The following ARAP3 variants were observed in gnomAD, a reference collection of about 807,000 sequenced individuals.
ARAP3 encodes the protein ArfGAP with RhoGAP domain, ankyrin repeat and PH domain 3, also known as arf-GAP with Rho-GAP domain, ANK repeat and PH domain-containing protein 3.
Under a neutral mutation model 169.2 loss-of-function variants are expected in ARAP3, and 82 were observed. The observed-to-expected ratio is 0.48, with a 90% confidence interval of 0.41 to 0.58. ARAP3 has a LOEUF of 0.58. Ranked by LOEUF, ARAP3 falls within the 20% of genes least tolerant of loss-of-function variation. The pLI is 0.00. For synonymous variants in ARAP3, 791 were observed against 800.3 expected, an observed-to-expected ratio of 0.99 and a Z score of 0.20; for missense variants, 1,764 against 2,018.0, an observed-to-expected ratio of 0.87 and a Z score of 2.41.
chr5:141,669,764 T>G lies in ARAP3; in HGVS notation c.2297A>C (p.His766Pro). ...ELILAGGRIQ[H>P]FGTDGADSLE... ...ACTGTCAGCTCCATCTGTGCCAAAATGCTGGATCCTCCCCCCAGCGAGGAT... is the reference window on the plus strand; with the variant it reads ...ACTGTCAGCTCCATCTGTGCCAAAAGGCTGGATCCTCCCCCCAGCGAGGAT... Residue 766 changes from histidine to proline, a missense_variant, in exon 16 of 33, where the codon CAT becomes CCT. His to Pro is a moderately conservative substitution (Grantham distance 77, BLOSUM62 -2). Around this residue, in one of 3 missense-constraint regions of ARAP3, gnomAD observed 1,112 missense variants for 1,285.7 expected, o/e 0.86. Coordinates refer to ENST00000239440, the MANE Select transcript of ARAP3 (RefSeq NM_022481.6). 6.2e-7 allele frequency: 1 copy of G among 1,614,026 alleles called. No homozygotes were observed. The highest frequency in any genetic ancestry group is 8.5e-7 in the Non-Finnish European group (1 of 1,180,004).
chr5:141,674,455 G>A (rs969346605), intron 4 of ARAP3, among the ~76,000 whole-genome samples: 7 of 151,202 alleles, frequency 4.6e-5, no homozygotes, highest in Admixed American at 6.6e-5. Context: ...ATGAGGTCTC[G>A]CTATGTTGCC....
chr5:141,677,008 G>A (rs1469980504), intron 4 of ARAP3, among the ~76,000 whole-genome samples: 4 of 152,134 alleles, frequency 2.6e-5, no homozygotes, highest in Admixed American at 1.3e-4. Context: ...ATCTCAGACC[G>A]TGGCGGCTCC....
In ARAP3 at chr5:141,656,508, T is replaced by C. The variant is rs1172820517; in HGVS notation, c.3785A>G (p.Lys1262Arg). Residue 1262 changes from lysine (K) to arginine (R), a missense_variant, in exon 27 of 33, where the codon AAG (lysine) becomes AGG (arginine). Physicochemically the swap from Lys to Arg is conservative, Grantham distance 26. This residue lies in a region of ARAP3 where 1,112 missense variants were observed against 1,285.7 expected (regional missense o/e 0.86). Transcript: ENST00000239440. ...CCTCTGGCCCCAGGGCCTCACTTTC[T>C]TCTCCTTGAGCAGCAGCAGGCAGCG... is the stretch of plus-strand genomic sequence containing the variant. ...RGRCLLLLKE[K>R]KSSKPEREWP... 1 of 1,611,678 alleles carries C rather than the reference T, an allele frequency of 6.2e-7. No individual in the cohort carries two copies. The highest frequency in any genetic ancestry group is 2.2e-5 in the East Asian group (1 of 44,814).
intron 1 of ARAP3, 123 bp from the exon 2 acceptor site, chr5:141,680,626 G>T (rs1215012387): frequency 2.9e-6 from 4 of 1,390,560 alleles, no homozygotes; most frequent in East Asian, 2.5e-5. Context: ...ATGCTGAAAG[G>T]CCTGCGATCT....
chr5:141,655,474 G>C (rs1482632921), intron 31 of ARAP3, 74 bp from the exon 32 acceptor site: 1 of 1,579,440 alleles, frequency 6.3e-7, no homozygotes, highest in Non-Finnish European at 8.6e-7. Context: ...ACAGGAGACA[G>C]GGGTGGGGAA....
At chr5:141,678,226 C>G (rs1295431521) in intron 4 of ARAP3, among the ~76,000 whole-genome samples, 1 of 152,146 alleles carries the variant, frequency 6.6e-6, no homozygotes, top group Non-Finnish European at 1.5e-5. Flanking sequence ...GCTGGGATTA[C>G]AGGCATGAGC....
Position 141,661,882 on chromosome 5 carries a change from T to G in ARAP3, c.3014-93A>C, listed in dbSNP as rs1050709088. On this transcript the variant is annotated intron_variant, in intron 20 of 32. Transcript: ENST00000239440. Reference sequence around the variant, plus strand: ...GGGATTTTTAGGCACAAATGCAGGATGGATGTGTCTCTGCCCCCTTCCCAC... The same window carrying G: ...GGGATTTTTAGGCACAAATGCAGGAGGGATGTGTCTCTGCCCCCTTCCCAC... 5 of 1,475,372 alleles carry G rather than the reference T, an allele frequency of 3.4e-6. No individual in the cohort carries two copies. In the African/African-American group the frequency reaches 6.9e-5, roughly 20 times the overall value. The allele number at this position is 1,475,372 out of a possible 1,614,324, so 91.4% of individuals were successfully genotyped here.
At chr5:141,670,344 C>T (rs2099911251) in intron 14 of ARAP3, among the ~76,000 whole-genome samples, 168 bp downstream of exon 14, 1 of 152,114 alleles carries the variant, frequency 6.6e-6, no homozygotes, top group South Asian at 2.1e-4. Context: ...AACTATCACC[C>T]AATGCTGCCA....
intron 29 of ARAP3, 54 bp from the exon 30 acceptor site, chr5:141,655,986 T>C (rs2099909222): frequency 3.1e-6 from 5 of 1,613,604 alleles, no homozygotes; most frequent in Non-Finnish European, 4.2e-6. Context: ...GCTATAGGAA[T>C]GGAGCATACA....
At chr5:141,678,058 T>C (rs2099912435) in intron 4 of ARAP3, among the ~76,000 whole-genome samples, 1 of 152,086 alleles carries the variant, frequency 6.6e-6, no homozygotes, top group African/African-American at 2.4e-5. Context: ...CGCCATTCTC[T>C]GCCTCAGCCT....
rs534619522 is a variant in ARAP3, at chr5:141,666,417, C to G, written c.2572+7G>C. ...TCATCCCTGTCCCCCCAAACCTCCCCGCTTACTGATCTCCTGTAGCCGCCG... is the reference window on the plus strand; with the variant it reads ...TCATCCCTGTCCCCCCAAACCTCCCGGCTTACTGATCTCCTGTAGCCGCCG... On this transcript the variant is annotated splice_region_variant and intron_variant, in intron 17 of 32. Transcript: ENST00000239440. The G allele has an allele frequency of 2.6e-6, 4 of 1,561,174 alleles. No homozygotes were observed. Among genetic ancestry groups the G allele is most frequent in the South Asian group, 1.2e-5 (1 of 84,468 alleles).
chr5:141,655,606 G>A lies in ARAP3; in HGVS notation c.4110+15C>T, dbSNP rs2099909173. The stretch of plus-strand genomic sequence containing the variant: ...CACGACAGGAATCGGGTTGGGGCAG[G>A]GTGGGGTGCCTTACCAGGGTCTGAT... On this transcript the variant is annotated intron_variant, in intron 31 of 32. Coordinates refer to ENST00000239440, the MANE Select transcript of ARAP3 (RefSeq NM_022481.6). 5 of 1,613,986 alleles carry A rather than the reference G, an allele frequency of 3.1e-6. No individual in the cohort carries two copies. The highest frequency in any genetic ancestry group is 4.2e-6 in the Non-Finnish European group (5 of 1,180,006).
chr5:141,680,130 G>A lies in ARAP3; in HGVS notation c.357C>T (p.Ala119=), dbSNP rs200318347. 2.5e-5 allele frequency: 40 copies of A among 1,611,276 alleles called. No homozygotes were observed. Among genetic ancestry groups the A allele is most frequent in the African/African-American group, 1.3e-5 (1 of 74,820 alleles). Reference sequence around the variant, plus strand: ...TCCTGGACACTCCTGGTCCCCCGAGGGCTGGGCTCAGCCCAGGTCTCTGAG... The same window carrying A: ...TCCTGGACACTCCTGGTCCCCCGAGAGCTGGGCTCAGCCCAGGTCTCTGAG... The part of the protein sequence containing the change: ...ATTQRPGLSP[A]LGGPGVSRSP... The change falls in exon 2 of 33, where the codon GCC becomes GCT. Residue 119 remains alanine (A), a synonymous_variant. Transcript: ENST00000239440.
Position 141,671,381 on chromosome 5 carries a change from G to C in ARAP3, c.1874C>G (p.Ala625Gly), listed in dbSNP as rs1056804810. The C allele has an allele frequency of 6.2e-7, 1 of 1,612,594 alleles. No homozygotes were observed. The highest frequency in any genetic ancestry group is 8.5e-7 in the Non-Finnish European group (1 of 1,179,294). Reference sequence around the variant, plus strand: ...CATGTTCTTCAGCAGGTTGGGTCTTGCCACAGCTGCACACAGTGCCTGCAG... The same window carrying C: ...CATGTTCTTCAGCAGGTTGGGTCTTCCCACAGCTGCACACAGTGCCTGCAG... ...QLLQALCAAV[A>G]RPNLLKNMTQ... is the part of the protein sequence containing the mutation. Residue 625 changes from alanine (A) to glycine (G), a missense_variant, in exon 13 of 33, where the codon GCA becomes GGA. Ala to Gly is a moderately conservative substitution (Grantham distance 60, BLOSUM62 0). This residue lies in a region of ARAP3 where 1,112 missense variants were observed against 1,285.7 expected (regional missense o/e 0.86). Coordinates refer to ENST00000239440, the MANE Select transcript of ARAP3 (RefSeq NM_022481.6). This position sits in a 1 kb window ranked among gnomAD's most constrained non-coding sequence, Gnocchi z 4.9.
At position 141,671,155 on chromosome 5, in the gene ARAP3, C is replaced by T. The variant is rs1596489050; in HGVS notation, c.1990+110G>A. 7.0e-7 allele frequency: 1 copy of T among 1,427,736 alleles called. No homozygotes were observed. The highest frequency in any genetic ancestry group is 2.3e-5 in the Admixed American group (1 of 44,192). 88.4% of individuals were successfully genotyped at this position (1,427,736 alleles called of 1,614,324 possible). On this transcript the variant is annotated intron_variant, in intron 13 of 32. Coordinates refer to ENST00000239440, the MANE Select transcript of ARAP3 (RefSeq NM_022481.6). The surrounding 1 kb of genome is among the most constrained non-coding windows in gnomAD (Gnocchi z 4.9). Reference sequence around the variant, plus strand: ...GAGGATCTGAGGGTTTGGGAAACTGCCCAGGCTGGGCCATTGTGATCAGCT... The same window carrying T: ...GAGGATCTGAGGGTTTGGGAAACTGTCCAGGCTGGGCCATTGTGATCAGCT...
chr5:141,677,775 T>C (rs951281071), intron 4 of ARAP3, among the ~76,000 whole-genome samples: 1 of 143,408 alleles, frequency 7.0e-6, no homozygotes, highest in Non-Finnish European at 1.6e-5. Context: ...TTTTTTGTTT[T>C]TGTTTTTTTT....
rs574879135 is a variant in ARAP3, at chr5:141,665,080, A to G, written c.2642T>C (p.Leu881Pro). ...CAGCCGGCCCTCTCCTTGCAGATAC[A>G]GGGTCCTGAGACCCCAGAGGCCTGA... ...HLVLVETGRT[L>P]YLQGEGRLDF... Residue 881 changes from leucine (L) to proline (P), a missense_variant, in exon 19 of 33, where the codon CTG (leucine) becomes CCG (proline). Transcript: ENST00000239440. The G allele has an allele frequency of 6.2e-7, 1 of 1,611,350 alleles. No homozygotes were observed. The highest frequency in any genetic ancestry group is 1.7e-5 in the Admixed American group (1 of 59,836).
At chr5:141,674,809 C>A (rs1035255939) in intron 4 of ARAP3, among the ~76,000 whole-genome samples, 2 of 152,180 alleles carry the variant, frequency 1.3e-5, no homozygotes, top group Non-Finnish European at 2.9e-5. Flanking sequence ...GACCAAGGAC[C>A]AAGTTCCCAT....
chr5:141,673,305 C>CTT, intron 6 of ARAP3, 96 bp downstream of exon 6: 2 of 1,566,218 alleles, frequency 1.3e-6, no homozygotes, highest in South Asian at 2.3e-5. Flanking sequence ...ACTGCCCCGC[C>CTT]CACACACACA....
Sources: allele counts gnomAD v4.1 joint callset (sites outside exome capture counted in the v4.1 genomes callset), GRCh38; gene constraint gnomAD v4.1.1; regional missense constraint gnomAD v4.1.1; non-coding constraint Gnocchi (gnomAD v3.1); transcripts MANE v1.5; gene names NCBI Gene and HGNC (gene_info 2026-07-23, HGNC 2026-07-21).